WFIKKN2: variants seen among roughly 807,000 people sequenced by gnomAD.
The protein encoded by WFIKKN2 is WAP, Kazal, immunoglobulin, Kunitz and NTR domain-containing protein 2.
A neutral mutation model predicts 39.2 loss-of-function variants in WFIKKN2; 25 were observed. The ratio of observed to expected loss-of-function variants is 0.64; its 90% CI spans 0.47 to 0.89. The LOEUF is 0.89. Among genes scored for constraint, WFIKKN2 ranks in the 40% least tolerant of loss-of-function variants. The pLI, the probability that WFIKKN2 is intolerant of heterozygous loss-of-function variation, is 0.00. For synonymous variants in WFIKKN2, 345 were observed against 329.7 expected, an observed-to-expected ratio of 1.05 and a Z score of -0.50; for missense variants, 770 against 811.7, an observed-to-expected ratio of 0.95 and a Z score of 0.62.
rs1180689118 is a variant in WFIKKN2, at chr17:50,840,747, GA to G, written c.1460del (p.Glu487GlyfsTer3). The G allele has an allele frequency of 6.2e-7, 1 of 1,613,988 alleles. No individual in the cohort carries two copies. The highest frequency in any genetic ancestry group is 8.5e-7 in the Non-Finnish European group (1 of 1,180,042). ...DSGRALVTVDEVLKDEKMGLK... is the reference protein window; with the variant it reads ...DSGRALVTVDXVLKDEKMGLK... ...GGGCCGCGCCCTGGTGACTGTGGAT[GA>G]GGTCCTAAAGGATGAGAAAATGGGC... is the stretch of plus-strand genomic sequence containing the variant. On this transcript the variant is annotated frameshift_variant, in exon 2 of 2. Coordinates refer to ENST00000311378, the MANE Select transcript of WFIKKN2 (RefSeq NM_175575.6). LOFTEE classifies it high-confidence loss of function.
At chr17:50,835,531 C>T (rs1971942137), upstream of WFIKKN2, 1 of 169,466 alleles carries the variant, frequency 5.9e-6, no homozygotes, top group Admixed American at 7.5e-5. Flanking sequence ...CTGCTTCCAG[C>T]TTCTTTTTTT....
chr17:50,836,053 G>A lies in WFIKKN2; in HGVS notation c.116G>A (p.Arg39His), dbSNP rs145551843. The A allele has an allele frequency of 1.4e-5, 23 of 1,605,084 alleles. No homozygotes were observed. Among genetic ancestry groups the A allele is most frequent in the East Asian group, 2.2e-5 (1 of 44,454 alleles). ...CGAAGCCTGGCGCTGCCGCCCATCC[G>A]CTATTCCCACGCCGGCATCTGCCCC... is the stretch of plus-strand genomic sequence containing the variant. Reference protein sequence around the residue: ...PPRSLALPPIRYSHAGICPND... With the variant: ...PPRSLALPPIHYSHAGICPND... The change falls in exon 1 of 2, where the codon CGC becomes CAC. Residue 39 changes from arginine (R) to histidine (H), a missense_variant. By Grantham distance (29) the Arg-to-His change is conservative. Transcript: ENST00000311378.
At chr17:50,837,353 G>A (rs1971972684) in intron 1 of WFIKKN2, among the ~76,000 whole-genome samples, 2 of 152,186 alleles carry the variant, frequency 1.3e-5, no homozygotes, top group African/African-American at 4.8e-5. Flanking sequence ...TGGGAGGAAG[G>A]AGACCACGTT....
rs1172887512 is a variant in WFIKKN2, at chr17:50,839,988, G to T, written c.700G>T (p.Val234Leu). ...GACAGTGAGCTTCCTCTGTGATGTG[G>T]TGGGCCGGCCCCGGCCTGAGATCAC... The part of the protein sequence containing the change: ...GETVSFLCDV[V>L]GRPRPEITWE... The change falls in exon 2 of 2, where the codon GTG (valine) becomes TTG (leucine). Residue 234 changes from valine (V) to leucine (L), a missense_variant. Transcript: ENST00000311378. The T allele has an allele frequency of 2.5e-6, 4 of 1,614,194 alleles. No homozygotes were observed.
chr17:50,836,570 A>G (rs111440969), intron 1 of WFIKKN2, among the ~76,000 whole-genome samples: 9 of 66,088 alleles, frequency 1.4e-4, no homozygotes, highest in African/African-American at 2.1e-4. Flanking sequence ...GGTGAGTGGG[A>G]TCTAGAAGTG....
In WFIKKN2 at chr17:50,841,039, C is replaced by T. The variant is rs756910064; in HGVS notation, c.*20C>T. On this transcript the variant is annotated 3_prime_UTR_variant, in exon 2 of 2. Coordinates refer to ENST00000311378, the MANE Select transcript of WFIKKN2 (RefSeq NM_175575.6). ...CACTGAAGCCCCCCACCCCTCCCTG[C>T]CCCCTCCCTGGCCTTCTTCCACCTA... The T allele has an allele frequency of 2.6e-6, 4 of 1,509,900 alleles. No individual in the cohort carries two copies. Among genetic ancestry groups the T allele is most frequent in the Admixed American group, 2.2e-5 (1 of 45,260 alleles). 93.5% of individuals were successfully genotyped at this position (1,509,900 alleles called of 1,614,324 possible).
Position 50,841,056 on chromosome 17 carries a change from TTCCACCTA to T in WFIKKN2, c.*44_*51del, listed in dbSNP as rs1230539518. On this transcript the variant is annotated 3_prime_UTR_variant, in exon 2 of 2. Coordinates refer to ENST00000311378, the MANE Select transcript of WFIKKN2 (RefSeq NM_175575.6). ...CCTCCCTGCCCCCTCCCTGGCCTTC[TTCCACCTA>T]TCCACCCCAATGCCTCTCAGCAAAC... 1 of 1,475,030 alleles carries T rather than the reference TTCCACCTA, an allele frequency of 6.8e-7. No homozygotes were observed. Among genetic ancestry groups the T allele is most frequent in the African/African-American group, 1.5e-5 (1 of 68,118 alleles). The allele number at this position is 1,475,030 out of a possible 1,614,324, so 91.4% of individuals were successfully genotyped here.
rs540858152 is a variant in WFIKKN2, at chr17:50,840,961, G to A, written c.1673G>A (p.Arg558His). The A allele has an allele frequency of 3.8e-6, 6 of 1,577,754 alleles. No homozygotes were observed. The highest frequency in any genetic ancestry group is 2.3e-5 in the East Asian group (1 of 44,336). ...AGTGCCCGCCGGGTCAGGAAGCTTC[G>A]TGAGGTCATGCACAAGAAGACCTGT... ...ASSARRVRKL[R>H]EVMHKKTCDV... Residue 558 changes from arginine to histidine, a missense_variant, in exon 2 of 2, where the codon CGT becomes CAT. Physicochemically the swap from Arg to His is conservative, Grantham distance 29 (BLOSUM62 0). Transcript: ENST00000311378.
upstream of WFIKKN2, chr17:50,834,734 G>C (rs1971934270): frequency 6.6e-6 from 1 of 152,336 alleles, no homozygotes; most frequent in South Asian, 2.1e-4. Context: ...AGCCACACGT[G>C]TGAAGAGCCC....
rs553049318 is a variant in WFIKKN2 at position 50,839,771 on chromosome 17, C to G, written c.483C>G (p.Ala161=). ...LTYYNRCYMD[A]EACSKGITLA... ...ACTATAACCGCTGCTACATGGATGC[C>G]GAGGCCTGCTCCAAAGGCATCACAC... Residue 161 remains alanine, a synonymous_variant, in exon 2 of 2, where the codon GCC becomes GCG. Coordinates refer to ENST00000311378, the MANE Select transcript of WFIKKN2 (RefSeq NM_175575.6). 3 of 1,614,218 alleles carry G rather than the reference C, an allele frequency of 1.9e-6. No homozygotes were observed. The highest frequency in any genetic ancestry group is 2.5e-6 in the Non-Finnish European group (3 of 1,180,026).
At chr17:50,838,829 G>A (rs1472699659) in intron 1 of WFIKKN2, among the ~76,000 whole-genome samples, 4 of 152,282 alleles carry the variant, frequency 2.6e-5, no homozygotes, top group East Asian at 3.9e-4. Context: ...TCTGTTCCCC[G>A]TGTGTGTCGG....
intron 1 of WFIKKN2, among the ~76,000 whole-genome samples, chr17:50,838,057 G>C (rs764676870): frequency 5.9e-5 from 9 of 152,090 alleles, no homozygotes; most frequent in Non-Finnish European, 1.0e-4. Context: ...AAGGACCCAG[G>C]CTTTCATGGA....
chr17:50,839,961 G>C lies in WFIKKN2; in HGVS notation c.673G>C (p.Glu225Gln), dbSNP rs758237401. The C allele has an allele frequency of 1.3e-5, 21 of 1,614,150 alleles. 1 individual carries two copies. In the South Asian group the frequency reaches 2.0e-4, roughly 15 times the overall value. ...TGTGCACCAGTCGGTCACCATGGGTGAGACAGTGAGCTTCCTCTGTGATGT... is the reference window on the plus strand; with the variant it reads ...TGTGCACCAGTCGGTCACCATGGGTCAGACAGTGAGCTTCCTCTGTGATGT... ...NPVHQSVTMG[E>Q]TVSFLCDVVG... is the part of the protein sequence containing the mutation. Residue 225 changes from glutamate (E) to glutamine (Q), a missense_variant, in exon 2 of 2, where the codon GAG becomes CAG. By Grantham distance (29) the Glu-to-Gln change is conservative. Coordinates refer to ENST00000311378, the MANE Select transcript of WFIKKN2 (RefSeq NM_175575.6).
In WFIKKN2 at chr17:50,841,380, G is replaced by T. The variant is rs953115851; in HGVS notation, c.*361G>T. The T allele has an allele frequency of 2.6e-5, 5 of 193,482 alleles. No homozygotes were observed. Among genetic ancestry groups the T allele is most frequent in the African/African-American group, 4.6e-5 (2 of 43,018 alleles). 12.0% of individuals were successfully genotyped at this position (193,482 alleles called of 1,614,324 possible). On this transcript the variant is annotated 3_prime_UTR_variant, in exon 2 of 2. Coordinates refer to ENST00000311378, the MANE Select transcript of WFIKKN2 (RefSeq NM_175575.6). Reference sequence around the variant, plus strand: ...CCCAGCAAGGGTTTAAGAGATGGCCGCTGTGTGCTGGTCACAGGAAGTGTT... The same window carrying T: ...CCCAGCAAGGGTTTAAGAGATGGCCTCTGTGTGCTGGTCACAGGAAGTGTT...
intron 1 of WFIKKN2, among the ~76,000 whole-genome samples, chr17:50,838,796 T>C (rs2143294149): frequency 6.6e-6 from 1 of 152,262 alleles, no homozygotes; most frequent in South Asian, 2.1e-4. Context: ...TGGCTGTGGA[T>C]CGATCTGGGC....
chr17:50,840,927 G>T lies in WFIKKN2; in HGVS notation c.1639G>T (p.Gly547Cys). The change falls in exon 2 of 2, where the codon GGC becomes TGC. Residue 547 changes from glycine to cysteine, a missense_variant. Coordinates refer to ENST00000311378, the MANE Select transcript of WFIKKN2 (RefSeq NM_175575.6). ...CATGCTGCGCCCCGATAGCTTTGTGGGCGCATCGAGTGCCCGCCGGGTCAG... is the reference window on the plus strand; with the variant it reads ...CATGCTGCGCCCCGATAGCTTTGTGTGCGCATCGAGTGCCCGCCGGGTCAG... ...MAMLRPDSFV[G>C]ASSARRVRKL... 3.7e-6 allele frequency: 6 copies of T among 1,600,520 alleles called. No homozygotes were observed. The highest frequency in any genetic ancestry group is 5.1e-6 in the Non-Finnish European group (6 of 1,170,228).
rs778393121 is a variant in WFIKKN2 at position 50,840,387 on chromosome 17, C to A, written c.1099C>A (p.His367Asn). The A allele has an allele frequency of 1.2e-6, 2 of 1,614,046 alleles. No homozygotes were observed. Among genetic ancestry groups the A allele is most frequent in the South Asian group, 2.2e-5 (2 of 91,092 alleles). ...TFGHCHRNLNHFETYEACMLA... is the reference protein window; with the variant it reads ...TFGHCHRNLNNFETYEACMLA... ...CGGCCACTGCCACCGTAACCTCAAC[C>A]ACTTTGAGACCTATGAGGCCTGCAT... The change falls in exon 2 of 2, where the codon CAC (histidine) becomes AAC (asparagine). Residue 367 changes from histidine (H) to asparagine (N), a missense_variant. Physicochemically the swap from His to Asn is moderately conservative, Grantham distance 68 (BLOSUM62 1). Transcript: ENST00000311378.
At position 50,839,743 on chromosome 17, in the gene WFIKKN2, C is replaced by T; in HGVS notation, c.455C>T (p.Thr152Ile). 1 of 1,614,244 alleles carries T rather than the reference C, an allele frequency of 6.2e-7. No homozygotes were observed. Among genetic ancestry groups the T allele is most frequent in the South Asian group, 1.1e-5 (1 of 91,088 alleles). ...PSFTCASDGL[T>I]YYNRCYMDAE... ...TTTACCTGCGCCTCGGACGGCCTCA[C>T]CTACTATAACCGCTGCTACATGGAT... The change falls in exon 2 of 2, where the codon ACC (threonine) becomes ATC (isoleucine). Residue 152 changes from threonine (T) to isoleucine (I), a missense_variant. Transcript: ENST00000311378.
chr17:50,836,990 G>A (rs993395626), intron 1 of WFIKKN2, among the ~76,000 whole-genome samples: 1 of 152,200 alleles, frequency 6.6e-6, no homozygotes, highest in Non-Finnish European at 1.5e-5. Context: ...AGGTGGGAGC[G>A]ATGTCCCAGT....
Sources: allele counts gnomAD v4.1 joint callset (sites outside exome capture counted in the v4.1 genomes callset), GRCh38; gene constraint gnomAD v4.1.1; transcripts MANE v1.5; gene names NCBI Gene and HGNC (gene_info 2026-07-23, HGNC 2026-07-21).